Variants in RABGAP1L observed in about 807,000 individuals in gnomAD.
RABGAP1L encodes rab GTPase-activating protein 1-like.
RABGAP1L carries 63 observed loss-of-function variants against 137.7 expected under a neutral mutation model. The observed-to-expected ratio is 0.46, with a 90% CI of 0.37 to 0.56. The LOEUF (loss-of-function observed/expected upper bound fraction) is 0.56. Among genes scored for constraint, RABGAP1L ranks in the 20% least tolerant of loss-of-function variants. RABGAP1L has a pLI of 0.00. For synonymous variants in RABGAP1L, 431 were observed against 433.7 expected, an observed-to-expected ratio of 0.99 and a Z score of 0.08; for missense variants, 1,095 against 1,244.0, an observed-to-expected ratio of 0.88 and a Z score of 1.80.
intron 13 of RABGAP1L, among the ~76,000 whole-genome samples, chr1:174,506,406 T>A (rs1661819120): frequency 6.6e-6 from 1 of 152,148 alleles, no homozygotes; most frequent in Non-Finnish European, 1.5e-5. Context: ...AACAACCTTG[T>A]GATACACAAT....
intron 13 of RABGAP1L, among the ~76,000 whole-genome samples, chr1:174,510,760 A>G (rs1306628107): frequency 1.9e-4 from 29 of 152,220 alleles, no homozygotes; most frequent in Admixed American, 1.8e-3. Context: ...AAATGGAACA[A>G]CAATACTATG....
At chr1:174,364,896 G>A (rs897296492) in intron 11 of RABGAP1L, among the ~76,000 whole-genome samples, 4 of 152,004 alleles carry the variant, frequency 2.6e-5, no homozygotes, top group Non-Finnish European at 4.4e-5. Context: ...GATCCTTTTC[G>A]GCCCAGGGTG....
chr1:174,699,948 GA>G (rs1679522819), intron 16 of RABGAP1L, among the ~76,000 whole-genome samples: 1 of 152,122 alleles, frequency 6.6e-6, no homozygotes, highest in Admixed American at 6.6e-5. Context: ...GAGGAATGGA[GA>G]TATTTACAGA....
At chr1:174,742,073 G>C (rs1285000658) in intron 17 of RABGAP1L, among the ~76,000 whole-genome samples, 2 of 92,026 alleles carry the variant, frequency 2.2e-5, no homozygotes, top group East Asian at 4.9e-4. Flanking sequence ...GGAAGAGGAG[G>C]GGGAGGGGGG....
At chr1:174,614,715 C>G (rs1273630916) in intron 13 of RABGAP1L, among the ~76,000 whole-genome samples, 2 of 152,166 alleles carry the variant, frequency 1.3e-5, no homozygotes, top group Admixed American at 6.5e-5. Flanking sequence ...TCAGGTACAC[C>G]AATCAGACGT....
intron 17 of RABGAP1L, among the ~76,000 whole-genome samples, chr1:174,738,759 C>A (rs1683158505): frequency 6.6e-6 from 1 of 152,172 alleles, no homozygotes; most frequent in Non-Finnish European, 1.5e-5. Flanking sequence ...TAATGAACTT[C>A]TATTGTGAAC....
At chr1:174,430,150 C>T (rs1652449444) in intron 13 of RABGAP1L, among the ~76,000 whole-genome samples, 2 of 151,924 alleles carry the variant, frequency 1.3e-5, no homozygotes, top group African/African-American at 2.4e-5. Context: ...TTTGGGAGGC[C>T]GAGGCGGGCA....
intron 1 of RABGAP1L, among the ~76,000 whole-genome samples, chr1:174,183,673 A>G (rs773496397): frequency 2.0e-4 from 30 of 152,102 alleles, no homozygotes; most frequent in Non-Finnish European, 3.7e-4. Context: ...TATACATTCT[A>G]TGGGTTTTGA....
intron 13 of RABGAP1L, among the ~76,000 whole-genome samples, chr1:174,456,968 CTATGT>C (rs1372541672): frequency 6.6e-5 from 10 of 152,208 alleles, no homozygotes; most frequent in South Asian, 4.1e-4. Context: ...ATTGACTATG[CTATGT>C]TAAGGGCATA....
At chr1:174,712,151 GGACCAATCAGCTCTCTGTAAAACA>G (rs1219681005) in intron 17 of RABGAP1L, among the ~76,000 whole-genome samples, 7 of 152,162 alleles carry the variant, frequency 4.6e-5, no homozygotes, top group African/African-American at 1.7e-4. Flanking sequence ...TCTGTAAAAC[GGACCAATCAGCTCTCTGTAAAACA>G]GACCAATCAG....
At chr1:174,868,102 C>G (rs1651596569) in intron 19 of RABGAP1L, among the ~76,000 whole-genome samples, 1 of 151,842 alleles carries the variant, frequency 6.6e-6, no homozygotes, top group South Asian at 2.1e-4. Context: ...CTGTAGGCAC[C>G]CACCACCATG....
chr1:174,304,969 T>G lies in RABGAP1L; in HGVS notation c.1324-17T>G. On this transcript the variant is annotated splice_polypyrimidine_tract_variant and intron_variant, in intron 10 of 25. Transcript: ENST00000681986. Reference sequence around the variant, plus strand: ...TCAGATTTCTAATACTTAAATATACTGTTATATTTTTCTCAGTCTGAGGGA... The same window carrying G: ...TCAGATTTCTAATACTTAAATATACGGTTATATTTTTCTCAGTCTGAGGGA... 1 of 1,512,930 alleles carries G rather than the reference T, an allele frequency of 6.6e-7. No individual in the cohort carries two copies. The highest frequency in any genetic ancestry group is 8.8e-7 in the Non-Finnish European group (1 of 1,130,094). The allele number at this position is 1,512,930 out of a possible 1,614,324, so 93.7% of individuals were successfully genotyped here. A position where few individuals can be genotyped will look rare whatever the true frequency, so the allele number is the denominator to read the frequency against.
intron 19 of RABGAP1L, chr1:174,897,810 T>C (rs1007397262): frequency 6.6e-6 from 1 of 151,900 alleles, no homozygotes; most frequent in Non-Finnish European, 1.5e-5. Flanking sequence ...GACAACATAG[T>C]GAAACCCTGT....
chr1:174,547,029 CA>C (rs375413887), intron 13 of RABGAP1L, among the ~76,000 whole-genome samples: 74 of 78,230 alleles, frequency 9.5e-4, no homozygotes, highest in Admixed American at 1.2e-3. Flanking sequence ...GACTCTGTCT[CA>C]AAAAAAAAAA....
chr1:174,750,057 G>C (rs1476139448), intron 17 of RABGAP1L, among the ~76,000 whole-genome samples: 2 of 152,018 alleles, frequency 1.3e-5, no homozygotes, highest in African/African-American at 4.8e-5. Flanking sequence ...TTTTAGTAGA[G>C]ACTGGGTTTC....
At position 174,590,136 on chromosome 1, in the gene RABGAP1L, T is replaced by C. The variant is rs1282488136; in HGVS notation, c.1711-47239T>C. Among the ~76,000 whole-genome samples, 269 of 143,244 alleles carry C rather than the reference T, an allele frequency of 1.9e-3. 3 individuals are homozygous for C. The highest frequency in any genetic ancestry group is 6.6e-3 in the African/African-American group (256 of 38,630). The allele number at this position is 143,244 out of a possible 152,430, so 94.0% of individuals were successfully genotyped here. A position where few individuals can be genotyped will look rare whatever the true frequency, so the allele number is the denominator to read the frequency against. On this transcript the variant is annotated intron_variant, in intron 13 of 25. Coordinates refer to ENST00000681986, the MANE Select transcript of RABGAP1L (RefSeq NM_001366446.1). Reference sequence around the variant, plus strand: ...CCTCTTCAGTTTCTTTTTTTTTTTTTTTTTTTTTTTTTTTTGTGAGCCAAA... The same window carrying C: ...CCTCTTCAGTTTCTTTTTTTTTTTTCTTTTTTTTTTTTTTTGTGAGCCAAA...
At chr1:174,877,674 A>G (rs1317074019) in intron 19 of RABGAP1L, 6 of 1,482,802 alleles carry the variant, frequency 4.0e-6, no homozygotes, top group South Asian at 1.2e-5. Flanking sequence ...ATACTCCTGT[A>G]GCAACTGAGG....
intron 19 of RABGAP1L, among the ~76,000 whole-genome samples, chr1:174,942,749 GGC>G (rs1666107147): frequency 6.6e-6 from 1 of 152,182 alleles, no homozygotes; most frequent in Non-Finnish European, 1.5e-5. Context: ...TAGCTCCAAA[GGC>G]AGAAGTATGC....
chr1:174,297,953 A>G (rs1170892032), intron 10 of RABGAP1L, among the ~76,000 whole-genome samples: 1 of 152,172 alleles, frequency 6.6e-6, no homozygotes, highest in African/African-American at 2.4e-5. Context: ...GGGCTGGGAA[A>G]TTAACTCTTT....
Sources: gnomAD v4.1 joint callset for allele counts (sites outside exome capture counted in the v4.1 genomes callset) on GRCh38, gnomAD v4.1.1 for gene constraint, MANE v1.5 for transcripts, NCBI Gene and HGNC (gene_info 2026-07-23, HGNC 2026-07-21) for gene names.